Variants in ZNF609 observed in about 807,000 individuals in gnomAD.
The protein encoded by ZNF609 is zinc finger protein 609.
A neutral mutation model predicts 109.5 loss-of-function variants in ZNF609; 11 were observed. The observed-to-expected ratio is 0.10, with a 90% confidence interval of 0.06 to 0.17. ZNF609 has a LOEUF of 0.17. Ranked by LOEUF, ZNF609 falls within the 10% of genes least tolerant of loss-of-function variation. The pLI is 1.00. For missense variants in ZNF609, 1,559 were observed against 1,772.4 expected (o/e 0.88, Z 2.16); for synonymous variants, 646 against 662.0 (o/e 0.98, Z 0.37).
At chr15:64,633,737 C>T (rs1036587327) in intron 3 of ZNF609, among the ~76,000 whole-genome samples, 1 of 152,026 alleles carries the variant, frequency 6.6e-6, no homozygotes, top group African/African-American at 2.4e-5. Context: ...AAAGTTTAGC[C>T]AGGCATGGTG....
intron 2 of ZNF609, among the ~76,000 whole-genome samples, chr15:64,550,435 T>G (rs990200104): frequency 3.9e-5 from 6 of 152,064 alleles, no homozygotes; most frequent in Non-Finnish European, 7.4e-5. Flanking sequence ...GGCTCATGCC[T>G]CTAATCCCAG....
Position 64,499,588 on chromosome 15 carries a change from G to A in ZNF609, c.169G>A (p.Val57Met). ...QKLEMSGSKE[V>M]GIPAPNAVAT... The stretch of plus-strand genomic sequence containing the variant: ...ACTGGAAATGTCAGGCTCAAAGGAG[G>A]TGGGGATACCGGCTCCCAATGCTGT... The change falls in exon 2 of 10, where the codon GTG becomes ATG. Residue 57 changes from valine (V) to methionine (M), a missense_variant. Coordinates refer to ENST00000326648, the MANE Select transcript of ZNF609 (RefSeq NM_015042.2). The A allele has an allele frequency of 1.2e-6, 2 of 1,614,184 alleles. No homozygotes were observed. The highest frequency in any genetic ancestry group is 2.2e-5 in the East Asian group (1 of 44,884).
intron 3 of ZNF609, among the ~76,000 whole-genome samples, chr15:64,640,728 G>A (rs1224590257): frequency 6.6e-6 from 1 of 152,166 alleles, no homozygotes; most frequent in African/African-American, 2.4e-5. Context: ...GACTCCAGCT[G>A]TATAGCCAAA....
intron 1 of ZNF609, among the ~76,000 whole-genome samples, chr15:64,462,507 G>A (rs1443166812): frequency 1.3e-5 from 2 of 152,238 alleles, no homozygotes; most frequent in African/African-American, 4.8e-5. Flanking sequence ...GGTGGCTCAT[G>A]CTTGTAATCT....
At chr15:64,614,707 A>G (rs1895771148) in intron 2 of ZNF609, among the ~76,000 whole-genome samples, 1 of 151,720 alleles carries the variant, frequency 6.6e-6, no homozygotes, top group South Asian at 2.1e-4. Flanking sequence ...ATTCATTTTA[A>G]TCCCTCTGCC....
intron 3 of ZNF609, among the ~76,000 whole-genome samples, chr15:64,643,207 A>G (rs1896287926): frequency 6.6e-6 from 1 of 152,150 alleles, no homozygotes; most frequent in African/African-American, 2.4e-5. Flanking sequence ...ATCCTCTTGC[A>G]ACTCTCCCTC....
rs2083226680 is a variant in ZNF609, at chr15:64,684,003, TG to T, written c.*2319del. ...TTTTTAATTTTTCTTCTTAAACATT[TG>T]GCTCTTTGATCCTCATATCCAAGTC... On this transcript the variant is annotated 3_prime_UTR_variant, in exon 10 of 10. Transcript: ENST00000326648. 6.6e-6 allele frequency: 1 copy of T among 152,248 alleles called. No homozygotes were observed. The highest frequency in any genetic ancestry group is 1.5e-5 in the Non-Finnish European group (1 of 68,052). 9.4% of individuals were successfully genotyped at this position (152,248 alleles called of 1,614,324 possible). A position where few individuals can be genotyped will look rare whatever the true frequency, so the allele number is the denominator to read the frequency against.
At chr15:64,564,600 G>GT (rs1355739577) in intron 2 of ZNF609, among the ~76,000 whole-genome samples, 1 of 151,538 alleles carries the variant, frequency 6.6e-6, no homozygotes, top group African/African-American at 2.4e-5. Context: ...TGTTGTTTTT[G>GT]TTTTTTGTGG....
intron 3 of ZNF609, among the ~76,000 whole-genome samples, chr15:64,629,258 G>A (rs1415456391): frequency 2.0e-5 from 3 of 152,240 alleles, no homozygotes; most frequent in South Asian, 2.1e-4. Context: ...CTGGTGCCCT[G>A]CTCCCTTTCC....
chr15:64,622,950 A>G lies in ZNF609; in HGVS notation c.871A>G (p.Thr291Ala). ...MVRTRSVGVN[T>A]CDVALATEPE... ...TCGTACCCGATCAGTTGGGGTCAACACATGTGATGTGGCTCTGGCCACAGA... is the reference window on the plus strand; with the variant it reads ...TCGTACCCGATCAGTTGGGGTCAACGCATGTGATGTGGCTCTGGCCACAGA... The change falls in exon 3 of 10, where the codon ACA becomes GCA. Residue 291 changes from threonine to alanine, a missense_variant. Thr to Ala is a moderately conservative substitution (Grantham distance 58). Transcript: ENST00000326648. 1 of 1,614,242 alleles carries G rather than the reference A, an allele frequency of 6.2e-7. No homozygotes were observed. The highest frequency in any genetic ancestry group is 1.1e-5 in the South Asian group (1 of 91,090).
In ZNF609 at chr15:64,685,036, G is replaced by A. The variant is rs2083232996; in HGVS notation, c.*3350G>A. On this transcript the variant is annotated 3_prime_UTR_variant, in exon 10 of 10. Transcript: ENST00000326648. ...TGGGAGCAGGTTGGGGCGAGCTGGA[G>A]GCCCGGGCTGGAGGGGCAGTGTTGC... 6.5e-6 allele frequency: 1 copy of A among 152,682 alleles called. No homozygotes were observed. The highest frequency in any genetic ancestry group is 1.5e-5 in the Non-Finnish European group (1 of 68,050). 9.5% of individuals were successfully genotyped at this position (152,682 alleles called of 1,614,324 possible).
At chr15:64,539,701 A>G (rs913839728) in intron 2 of ZNF609, among the ~76,000 whole-genome samples, 19 of 151,878 alleles carry the variant, frequency 1.3e-4, no homozygotes, top group African/African-American at 4.1e-4. Context: ...ACAGTGTTTC[A>G]CTATGTTGTC....
At chr15:64,641,540 G>A (rs1301871456) in intron 3 of ZNF609, among the ~76,000 whole-genome samples, 2 of 151,936 alleles carry the variant, frequency 1.3e-5, no homozygotes, top group African/African-American at 2.4e-5. Flanking sequence ...TTGGCTCCTC[G>A]AGTCCCAGAA....
chr15:64,477,207 C>T (rs1893185940), intron 1 of ZNF609, among the ~76,000 whole-genome samples: 1 of 126,848 alleles, frequency 7.9e-6, no homozygotes, highest in Admixed American at 1.0e-4. Flanking sequence ...GTGGCGTGAT[C>T]TTGGCTCACT....
chr15:64,641,500 C>G (rs1896257604), intron 3 of ZNF609, among the ~76,000 whole-genome samples: 1 of 151,904 alleles, frequency 6.6e-6, no homozygotes, highest in South Asian at 2.1e-4. Flanking sequence ...AGGAGTGAGC[C>G]ACCGCGCCTG....
At chr15:64,477,949 A>G (rs1893196200) in intron 1 of ZNF609, among the ~76,000 whole-genome samples, 1 of 152,076 alleles carries the variant, frequency 6.6e-6, no homozygotes, top group Admixed American at 6.6e-5. Context: ...ATTTCTGTCC[A>G]CATGTTATAT....
Position 64,678,113 on chromosome 15 carries a change from T to C in ZNF609, c.3403-3T>C. 1 of 1,610,484 alleles carries C rather than the reference T, an allele frequency of 6.2e-7. No individual in the cohort carries two copies. The highest frequency in any genetic ancestry group is 8.5e-7 in the Non-Finnish European group (1 of 1,178,126). On this transcript the variant is annotated splice_polypyrimidine_tract_variant and splice_region_variant and intron_variant, in intron 5 of 9. Coordinates refer to ENST00000326648, the MANE Select transcript of ZNF609 (RefSeq NM_015042.2). ...CCCAGTCGTTGTTCTGTGATTGTTG[T>C]AGGAGGCAGAGCCCCGGATGTGGAC...
intron 2 of ZNF609, among the ~76,000 whole-genome samples, chr15:64,614,375 G>T (rs1042915002): frequency 1.3e-5 from 2 of 151,890 alleles, no homozygotes; most frequent in Non-Finnish European, 2.9e-5. Context: ...GAATACAGGC[G>T]ACTGCCACAA....
At chr15:64,520,879 T>C (rs1399552207) in intron 2 of ZNF609, among the ~76,000 whole-genome samples, 8 of 152,216 alleles carry the variant, frequency 5.3e-5, no homozygotes, top group Admixed American at 5.2e-4. Flanking sequence ...TATTTTATTA[T>C]CTTTCTTCCC....
Sources: allele counts gnomAD v4.1 joint callset (sites outside exome capture counted in the v4.1 genomes callset), GRCh38; gene constraint gnomAD v4.1.1; transcripts MANE v1.5; gene names NCBI Gene and HGNC (gene_info 2026-07-23, HGNC 2026-07-21).